Variants in NREP observed in about 807,000 individuals in gnomAD.
NREP encodes neuronal regeneration related protein, also known as neuronal regeneration-related protein.
NREP carries 5 observed loss-of-function variants against 8.6 expected under a neutral mutation model. The observed-to-expected ratio is 0.58, with a 90% CI of 0.30 to 1.22. The LOEUF (loss-of-function observed/expected upper bound fraction) is 1.22, where lower values mean the gene tolerates loss of function less well. Ranked by LOEUF, NREP falls within the 50% of genes most tolerant of loss-of-function variation. NREP has a pLI of 0.07. For synonymous variants in NREP, 27 were observed against 28.0 expected, an observed-to-expected ratio of 0.96 and a Z score of 0.11; for missense variants, 86 against 82.5, an observed-to-expected ratio of 1.04 and a Z score of -0.17.
At chr5:111,874,142 A>G (rs975765704) in intron 2 of NREP, among the ~76,000 whole-genome samples, 1 of 152,148 alleles carries the variant, frequency 6.6e-6, no homozygotes. Context: ...GGGGTATCCA[A>G]TGAACAGGCC....
intron 2 of NREP, among the ~76,000 whole-genome samples, chr5:111,771,426 TACAC>T (rs111799670): frequency 0.11 from 16,428 of 147,192 alleles, 990 homozygotes; most frequent in East Asian, 0.21. Context: ...CATAGTCTTT[TACAC>T]ACACACACAC....
At chr5:111,897,172 A>T (rs1369754604) in intron 2 of NREP, among the ~76,000 whole-genome samples, 1 of 152,112 alleles carries the variant, frequency 6.6e-6, no homozygotes, top group Non-Finnish European at 1.5e-5. Flanking sequence ...TTTTCACCAC[A>T]ATTTTACAAC....
At chr5:111,917,052 G>A (rs1197497454) in intron 2 of NREP, among the ~76,000 whole-genome samples, 1 of 152,106 alleles carries the variant, frequency 6.6e-6, no homozygotes, top group East Asian at 1.9e-4. Context: ...GGTTTTATAT[G>A]TTGGCATACT....
At position 111,849,935 on chromosome 5, in the gene NREP, A is replaced by G. The variant is rs73789551; in HGVS notation, c.136-114428T>C. On this transcript the variant is annotated intron_variant, in intron 2 of 3. Transcript: ENST00000395634. Reference sequence around the variant, plus strand: ...ATGAGATGGAAGCCCAGTGCCAAGGAAGCAGAGCAATAAGGCTGAAGGGGC... The same window carrying G: ...ATGAGATGGAAGCCCAGTGCCAAGGGAGCAGAGCAATAAGGCTGAAGGGGC... Among the ~76,000 whole-genome samples the G allele has an allele frequency of 8.9e-3, 1,357 of 152,286 alleles. 8 individuals are homozygous for G. Among genetic ancestry groups the G allele is most frequent in the Middle Eastern group, 0.027 (8 of 294 alleles).
chr5:111,959,235 A>T (rs906631800), intron 2 of NREP, among the ~76,000 whole-genome samples: 9 of 151,950 alleles, frequency 5.9e-5, no homozygotes, highest in Admixed American at 5.2e-4. Flanking sequence ...TTACTCTGTG[A>T]GTTCACTTAT....
chr5:111,840,827 A>G (rs1442998868), intron 2 of NREP, among the ~76,000 whole-genome samples: 1 of 152,120 alleles, frequency 6.6e-6, no homozygotes, highest in East Asian at 1.9e-4. Flanking sequence ...AACCAAACAA[A>G]ATAGGTCTAG....
At chr5:111,895,390 G>A (rs1053247817) in intron 2 of NREP, among the ~76,000 whole-genome samples, 1 of 152,130 alleles carries the variant, frequency 6.6e-6, no homozygotes, top group Admixed American at 6.6e-5. Context: ...AATCCAAGTG[G>A]GAGTGACAGT....
chr5:111,933,041 A>G (rs755166437), intron 2 of NREP, among the ~76,000 whole-genome samples: 2 of 152,128 alleles, frequency 1.3e-5, no homozygotes, highest in Non-Finnish European at 2.9e-5. Context: ...TGAGGAGGTA[A>G]TAATTGCCTC....
At chr5:111,788,838 C>G (rs2112890899) in intron 2 of NREP, among the ~76,000 whole-genome samples, 1 of 152,330 alleles carries the variant, frequency 6.6e-6, no homozygotes, top group Middle Eastern at 3.4e-3. Flanking sequence ...CTGACTAAAG[C>G]AGATTGCCTT....
intron 2 of NREP, among the ~76,000 whole-genome samples, chr5:111,825,765 G>T (rs1195085549): frequency 6.6e-6 from 1 of 152,048 alleles, no homozygotes; most frequent in African/African-American, 2.4e-5. Flanking sequence ...CATCACAGTG[G>T]TTCCAGGAGA....
intron 2 of NREP, among the ~76,000 whole-genome samples, chr5:111,861,517 T>A (rs1753543290): frequency 6.6e-6 from 1 of 152,046 alleles, no homozygotes; most frequent in Non-Finnish European, 1.5e-5. Context: ...CTTCCACAGA[T>A]CTCCCTTGTA....
At chr5:111,859,532 G>T (rs1186598929) in intron 2 of NREP, among the ~76,000 whole-genome samples, 1 of 152,132 alleles carries the variant, frequency 6.6e-6, no homozygotes, top group African/African-American at 2.4e-5. Context: ...CTGGAAGCTT[G>T]TTAGAGGCCA....
At chr5:111,755,679 G>C (rs1750654922) in intron 2 of NREP, 91 bp downstream of exon 2, 5 of 1,396,190 alleles carry the variant, frequency 3.6e-6, no homozygotes, top group Non-Finnish European at 5.1e-6. Flanking sequence ...GAACAATGAA[G>C]GGTTGAGGCG....
chr5:111,872,447 AC>A (rs1293840275), intron 2 of NREP, among the ~76,000 whole-genome samples: 1 of 152,194 alleles, frequency 6.6e-6, no homozygotes, highest in East Asian at 1.9e-4. Flanking sequence ...ATGACATTTG[AC>A]CAAATATCTG....
At chr5:111,864,441 C>A (rs76718150) in intron 2 of NREP, among the ~76,000 whole-genome samples, 3 of 152,090 alleles carry the variant, frequency 2.0e-5, no homozygotes, top group Admixed American at 2.0e-4. Flanking sequence ...AGATATCACC[C>A]CCCAGAAGGG....
At chr5:111,810,333 T>C (rs1308122458) in intron 2 of NREP, among the ~76,000 whole-genome samples, 1 of 152,150 alleles carries the variant, frequency 6.6e-6, no homozygotes, top group Non-Finnish European at 1.5e-5. Context: ...AGCTATGAGA[T>C]AACCGGCTCA....
intron 2 of NREP, among the ~76,000 whole-genome samples, chr5:111,753,350 A>G (rs12332532): frequency 6.8e-6 from 1 of 146,256 alleles, no homozygotes. Flanking sequence ...ATATATATAT[A>G]TATGTATATA....
chr5:111,818,979 T>G (rs571790152), intron 2 of NREP, among the ~76,000 whole-genome samples: 1 of 152,336 alleles, frequency 6.6e-6, no homozygotes, highest in African/African-American at 2.4e-5. Flanking sequence ...TTATTTATGG[T>G]AGTTATACTT....
At chr5:111,910,169 T>A (rs1193742857) in intron 2 of NREP, among the ~76,000 whole-genome samples, 4 of 152,114 alleles carry the variant, frequency 2.6e-5, no homozygotes, top group African/African-American at 9.7e-5. Flanking sequence ...CTGATTATAT[T>A]CTGGTTAAAA....
Sources: gnomAD v4.1 joint callset for allele counts (sites outside exome capture counted in the v4.1 genomes callset) on GRCh38, gnomAD v4.1.1 for gene constraint, MANE v1.5 for transcripts, NCBI Gene and HGNC (gene_info 2026-07-23, HGNC 2026-07-21) for gene names.